Variants in RBL2 observed in about 807,000 individuals in gnomAD.
RBL2 encodes RB transcriptional corepressor like 2, also known as retinoblastoma-like protein 2.
In RBL2, 56 loss-of-function variants were observed where a neutral mutation model predicts 126.0. The ratio of observed to expected loss-of-function variants is 0.44; its 90% CI spans 0.36 to 0.56. The LOEUF (loss-of-function observed/expected upper bound fraction) is 0.56, where lower values mean the gene tolerates loss of function less well. RBL2 is among the 20% of genes least tolerant of loss of function. The probability of loss-of-function intolerance (pLI) is 0.00; values close to 1 mark genes in which losing one functional copy is unlikely to be tolerated. For missense variants in RBL2, 1,229 were observed against 1,398.2 expected, an observed-to-expected ratio of 0.88 and a Z score of 1.93; for synonymous variants, 454 against 478.5, an observed-to-expected ratio of 0.95 and a Z score of 0.67.
At chr16:53,446,999 A>G (rs372725855) in intron 3 of RBL2, 43 bp from the exon 4 acceptor site, 1 of 1,205,136 alleles carries the variant, frequency 8.3e-7, no homozygotes, top group Non-Finnish European at 1.1e-6. Context: ...TTTTTTTCTG[A>G]TTCTTCTGTT....
At chr16:53,446,986 A>ATT in intron 3 of RBL2, 56 bp from the exon 4 acceptor site, 1 of 1,035,476 alleles carries the variant, frequency 9.7e-7, no homozygotes, top group African/African-American at 1.7e-5. Context: ...ATCATTTGGG[A>ATT]TTTTTTTTTC....
chr16:53,435,714 A>C, intron 1 of RBL2: 1 of 1,289,158 alleles, frequency 7.8e-7, no homozygotes, highest in South Asian at 1.2e-5. Flanking sequence ...AGAGTCGGGC[A>C]AATAGGTCCA....
chr16:53,453,918 T>C (rs1485931983), intron 7 of RBL2, 149 bp downstream of exon 7: 4 of 663,338 alleles, frequency 6.0e-6, no homozygotes, highest in Non-Finnish European at 7.6e-6. Flanking sequence ...CACCTAAATA[T>C]AAGCACACTT....
intron 12 of RBL2, among the ~76,000 whole-genome samples, chr16:53,465,237 A>T (rs2058261462): frequency 6.6e-6 from 1 of 152,230 alleles, no homozygotes; most frequent in African/African-American, 2.4e-5. Context: ...ATGTATTTTC[A>T]TTAAAAAATT....
intron 21 of RBL2, among the ~76,000 whole-genome samples, chr16:53,486,169 G>A (rs912459058): frequency 1.3e-5 from 2 of 151,002 alleles, no homozygotes; most frequent in African/African-American, 2.4e-5. Flanking sequence ...GGGTTGGTGA[G>A]GTGTGCCTAT....
intron 9 of RBL2, among the ~76,000 whole-genome samples, chr16:53,461,160 A>G (rs2058215832): frequency 6.6e-6 from 1 of 152,088 alleles, no homozygotes; most frequent in African/African-American, 2.4e-5. Flanking sequence ...TAGATATCGA[A>G]TGGGCCCAGG....
chr16:53,469,824 A>C, intron 14 of RBL2, 92 bp from the exon 15 acceptor site: 1 of 1,354,866 alleles, frequency 7.4e-7, no homozygotes, highest in South Asian at 1.5e-5. Context: ...TATTTCAAAC[A>C]CTGTAGTTAT....
In RBL2 at chr16:53,467,173, A is replaced by C. The variant is rs974868510; in HGVS notation, c.1975+4A>C. On this transcript the variant is annotated splice_donor_region_variant and intron_variant, in intron 14 of 21. Coordinates refer to ENST00000262133, the MANE Select transcript of RBL2 (RefSeq NM_005611.4). ...GATACTGGAGGACTTGGAAGGAGTA[A>C]GTTTAAAATACTAGGAGAATATTTT... 6.3e-7 allele frequency: 1 copy of C among 1,596,762 alleles called. No homozygotes were observed. Among genetic ancestry groups the C allele is most frequent in the African/African-American group, 1.3e-5 (1 of 74,592 alleles).
chr16:53,466,923 T>A (rs2058278143), intron 13 of RBL2, 135 bp from the exon 14 acceptor site: 2 of 699,386 alleles, frequency 2.9e-6, no homozygotes, highest in Admixed American at 5.8e-5. Flanking sequence ...ACTTTATTAT[T>A]AAAATGGGAA....
intron 20 of RBL2, 139 bp downstream of exon 20, chr16:53,480,908 C>T (rs113335556): frequency 0.28 from 216,034 of 775,376 alleles, 32,719 homozygotes; most frequent in African/African-American, 0.35. Flanking sequence ...CCTGTAATCC[C>T]AGCACTTTGG....
chr16:53,438,263 A>T (rs1466148483), intron 1 of RBL2, among the ~76,000 whole-genome samples: 2 of 152,116 alleles, frequency 1.3e-5, no homozygotes, highest in East Asian at 1.9e-4. Context: ...CTCGTTGGGC[A>T]TCTCTGTATG....
intron 11 of RBL2, among the ~76,000 whole-genome samples, 186 bp downstream of exon 11, chr16:53,462,841 G>A (rs2058235987): frequency 6.6e-6 from 1 of 151,990 alleles, no homozygotes; most frequent in African/African-American, 2.4e-5. Flanking sequence ...ATGTATGTAT[G>A]TATGTATTTA....
At chr16:53,439,292 G>A in intron 2 of RBL2, 146 bp downstream of exon 2, 1 of 615,636 alleles carries the variant, frequency 1.6e-6, no homozygotes, top group Non-Finnish European at 2.4e-6. Flanking sequence ...AGCATCTAAT[G>A]ATTTTCCTTT....
chr16:53,482,250 A>G (rs1482449337), intron 21 of RBL2, among the ~76,000 whole-genome samples: 2 of 152,222 alleles, frequency 1.3e-5, no homozygotes, highest in African/African-American at 4.8e-5. Context: ...TTGACATTGC[A>G]GTGCAATAGT....
intron 9 of RBL2, 55 bp from the exon 10 acceptor site, chr16:53,461,686 C>T: frequency 4.9e-6 from 6 of 1,218,156 alleles, no homozygotes; most frequent in East Asian, 2.5e-5. Context: ...ACATTTTATC[C>T]CCTTGTGACT....
At chr16:53,484,813 T>C (rs1455896007) in intron 21 of RBL2, among the ~76,000 whole-genome samples, 5 of 152,284 alleles carry the variant, frequency 3.3e-5, no homozygotes, top group Admixed American at 6.5e-5. Context: ...CTTCAAATGG[T>C]TGAATAATAC....
intron 14 of RBL2, among the ~76,000 whole-genome samples, chr16:53,468,448 A>AT (rs986283773): frequency 1.3e-5 from 2 of 152,098 alleles, no homozygotes; most frequent in African/African-American, 4.8e-5. Context: ...AAAAGTCCTC[A>AT]TTTTTGAAAG....
Position 53,462,166 on chromosome 16 carries a change from C to T in RBL2, c.1456+316C>T, listed in dbSNP as rs1328549745. Among the ~76,000 whole-genome samples the T allele has an allele frequency of 2.0e-5, 3 of 152,084 alleles. No individual in the cohort carries two copies. The East Asian group carries it at 5.8e-4, about 29-fold the overall frequency. ...TATTGAGAATAAGGACAGGAGATAT[C>T]ACTGTTATGGGCCCAAACCTGGCCT... On this transcript the variant is annotated intron_variant, in intron 10 of 21. Transcript: ENST00000262133.
At chr16:53,475,231 T>G (rs1036111860) in intron 17 of RBL2, among the ~76,000 whole-genome samples, 4 of 152,218 alleles carry the variant, frequency 2.6e-5, no homozygotes, top group African/African-American at 9.6e-5. Context: ...TTTGTTTTGT[T>G]TTTTGAGACA....
Sources: gnomAD v4.1 joint callset for allele counts (sites outside exome capture counted in the v4.1 genomes callset) on GRCh38, gnomAD v4.1.1 for gene constraint, MANE v1.5 for transcripts, NCBI Gene and HGNC (gene_info 2026-07-23, HGNC 2026-07-21) for gene names.